The following SDK2 variants were observed in gnomAD, a reference collection of about 807,000 sequenced individuals.
The protein encoded by SDK2 is protein sidekick-2.
A neutral mutation model predicts 253.9 loss-of-function variants in SDK2; 105 were observed. The observed-to-expected ratio is 0.41, with a 90% CI of 0.35 to 0.49. The LOEUF is 0.49. Ranked by LOEUF, SDK2 falls within the 20% of genes least tolerant of loss-of-function variation. The pLI, the probability that SDK2 is intolerant of heterozygous loss-of-function variation, is 0.06. For synonymous variants in SDK2, 1,249 were observed against 1,234.9 expected (o/e 1.01, Z -0.24); for missense variants, 2,608 against 3,003.0 (o/e 0.87, Z 3.07).
rs149504284 is a variant in SDK2 at position 73,429,714 on chromosome 17, C to A, written c.1583+797G>T. ...AGCAACACGCAGGGAATATTTATTT[C>A]TAAGGAAGCAGTTGCATTTCCCTCA... On this transcript the variant is annotated intron_variant, in intron 12 of 44. Transcript: ENST00000392650. Among the ~76,000 whole-genome samples, 355 of 152,330 alleles carry A rather than the reference C, an allele frequency of 2.3e-3. 2 individuals carry two copies. The highest frequency in any genetic ancestry group is 8.2e-3 in the African/African-American group (342 of 41,568).
intron 1 of SDK2, among the ~76,000 whole-genome samples, chr17:73,626,823 C>T (rs1010358934): frequency 3.3e-5 from 5 of 152,158 alleles, no homozygotes; most frequent in Non-Finnish European, 5.9e-5. Context: ...GGCTGGTCTT[C>T]GATGTGGACC....
At chr17:73,495,594 G>T (rs1054131330) in intron 2 of SDK2, among the ~76,000 whole-genome samples, 5 of 151,712 alleles carry the variant, frequency 3.3e-5, no homozygotes, top group Non-Finnish European at 7.4e-5. Context: ...CCTCTGCCTC[G>T]CTGTTGGATA....
intron 1 of SDK2, among the ~76,000 whole-genome samples, chr17:73,568,183 C>G (rs2045334838): frequency 6.6e-6 from 1 of 152,150 alleles, no homozygotes; most frequent in South Asian, 2.1e-4. Context: ...AATTCTCGCT[C>G]TGTTAGTTCA....
chr17:73,468,919 G>A (rs1251523705), intron 3 of SDK2, among the ~76,000 whole-genome samples: 1 of 151,906 alleles, frequency 6.6e-6, no homozygotes, highest in Non-Finnish European at 1.5e-5. Context: ...CTGCCTTCTG[G>A]GTTCATGCGA....
intron 1 of SDK2, among the ~76,000 whole-genome samples, chr17:73,555,323 AGCTCATCTCCAGTGGG>A (rs2045126831): frequency 6.6e-6 from 1 of 152,166 alleles, no homozygotes; most frequent in Admixed American, 6.5e-5. Context: ...GGGCAGGGGG[AGCTCATCTCCAGTGGG>A]GAGAACAGCT....
chr17:73,376,886 C>T (rs2062786289), intron 36 of SDK2, among the ~76,000 whole-genome samples: 1 of 152,030 alleles, frequency 6.6e-6, no homozygotes, highest in African/African-American at 2.4e-5. Context: ...TCCTTCACCC[C>T]AGATGGAATG....
rs2046433479 is a variant in SDK2, at chr17:73,644,127, C to T, written c.-39G>A. On this transcript the variant is annotated 5_prime_UTR_variant, in exon 1 of 45. Transcript: ENST00000392650. The surrounding 1 kb of genome is among the most constrained non-coding windows in gnomAD (Gnocchi z 6.3). Reference sequence around the variant, plus strand: ...GAGAGGGGTCCTCGGGGTCTCCCTTCCCTCCGCCCTGTTTTATAATCCTGG... The same window carrying T: ...GAGAGGGGTCCTCGGGGTCTCCCTTTCCTCCGCCCTGTTTTATAATCCTGG... 6.6e-7 allele frequency: 1 copy of T among 1,506,848 alleles called. No homozygotes were observed. The highest frequency in any genetic ancestry group is 1.2e-5 in the South Asian group (1 of 82,970). 93.3% of individuals were successfully genotyped at this position (1,506,848 alleles called of 1,614,324 possible). A position where few individuals can be genotyped will look rare whatever the true frequency, so the allele number is the denominator to read the frequency against.
intron 3 of SDK2, among the ~76,000 whole-genome samples, chr17:73,463,645 T>C (rs562089704): frequency 1.3e-5 from 2 of 152,338 alleles, no homozygotes; most frequent in South Asian, 4.1e-4. Context: ...GGTCAATGTA[T>C]TCTGTTTTTA....
intron 41 of SDK2, among the ~76,000 whole-genome samples, chr17:73,351,085 G>A (rs1386268276): frequency 6.6e-6 from 1 of 150,630 alleles, no homozygotes; most frequent in Non-Finnish European, 1.5e-5. Context: ...GGAGGGGAGA[G>A]TGGCAGTGTG....
In SDK2 at chr17:73,424,077, C is replaced by T. The variant is rs1302208418; in HGVS notation, c.1599G>A (p.Lys533=). ...TCTCCGTGCCCAGGGTGGCCCCGTCCTTCTCCCAGATGTACCTAAAAGTAA... is the reference window on the plus strand; with the variant it reads ...TCTCCGTGCCCAGGGTGGCCCCGTCTTTCTCCCAGATGTACCTAAAAGTAA... ...PRVTIRYIWE[K]DGATLGTESH... Residue 533 remains lysine (K), a synonymous_variant, in exon 13 of 45, where the codon AAG becomes AAA. Transcript: ENST00000392650. 1 of 1,612,216 alleles carries T rather than the reference C, an allele frequency of 6.2e-7. No homozygotes were observed. Among genetic ancestry groups the T allele is most frequent in the African/African-American group, 1.3e-5 (1 of 74,934 alleles).
At position 73,416,436 on chromosome 17, in the gene SDK2, A is replaced by G. The variant is rs970638615; in HGVS notation, c.2187-444T>C. Among the ~76,000 whole-genome samples the G allele has an allele frequency of 7.3e-5, 11 of 151,586 alleles. 1 individual carries two copies. The highest frequency in any genetic ancestry group is 2.0e-4 in the Admixed American group (3 of 15,166). On this transcript the variant is annotated intron_variant, in intron 16 of 44. Coordinates refer to ENST00000392650, the MANE Select transcript of SDK2 (RefSeq NM_001144952.2). ...GGTCTCGAACTCCTGACCTCAGGTG[A>G]TCTGCCTACCTCACTTCAGCCTCCC...
At chr17:73,355,589 G>A (rs1424026934) in intron 40 of SDK2, among the ~76,000 whole-genome samples, 2 of 151,902 alleles carry the variant, frequency 1.3e-5, no homozygotes, top group East Asian at 1.9e-4. Flanking sequence ...CTCGTGATCC[G>A]CCTGCCTTGG....
chr17:73,499,498 C>T (rs929604206), intron 2 of SDK2, among the ~76,000 whole-genome samples: 2 of 152,240 alleles, frequency 1.3e-5, no homozygotes, highest in Non-Finnish European at 2.9e-5. Context: ...GGGTGGGACT[C>T]GGCCTCAGCT....
Position 73,395,575 on chromosome 17 carries a change from G to A in SDK2, c.3355-183C>T, listed in dbSNP as rs555417209. Among the ~76,000 whole-genome samples, 1 of 152,322 alleles carries A rather than the reference G, an allele frequency of 6.6e-6. No individual in the cohort carries two copies. The highest frequency in any genetic ancestry group is 6.5e-5 in the Admixed American group (1 of 15,306). On this transcript the variant is annotated intron_variant, in intron 24 of 44. Coordinates refer to ENST00000392650, the MANE Select transcript of SDK2 (RefSeq NM_001144952.2). The surrounding 1 kb of genome is among the most constrained non-coding windows in gnomAD (Gnocchi z 4.3). ...GCTTAGGTTGTGTGACTGTGTTTCT[G>A]ATGGGCTCTTATCTTCCTGCAGGGA...
chr17:73,465,819 T>C lies in SDK2; in HGVS notation c.331+6293A>G, dbSNP rs7406161. ...GCTCCATGATAGGAGAACTGGCTGCTTAGGGCCCCAGGACAAGCCCTTGTC... is the reference window on the plus strand; with the variant it reads ...GCTCCATGATAGGAGAACTGGCTGCCTAGGGCCCCAGGACAAGCCCTTGTC... On this transcript the variant is annotated intron_variant, in intron 3 of 44. Transcript: ENST00000392650. The surrounding 1 kb of genome is among the most constrained non-coding windows in gnomAD (Gnocchi z 4.2). Among the ~76,000 whole-genome samples the C allele has an allele frequency of 0.46, 70,124 of 151,978 alleles. 16,450 individuals are homozygous for C. The highest frequency in any genetic ancestry group is 0.59 in the East Asian group (3,035 of 5,144).
chr17:73,547,409 C>T (rs2044982478), intron 1 of SDK2, among the ~76,000 whole-genome samples: 1 of 152,248 alleles, frequency 6.6e-6, no homozygotes, highest in Non-Finnish European at 1.5e-5. Context: ...GGGTAAAAGG[C>T]TCTGAAGCTA....
rs767623981 is a variant in SDK2 at position 73,379,205 on chromosome 17, C to T, written c.4952G>A (p.Ser1651Asn). ...GTACCCCTGGATGTCTCCATTCTGG[C>T]TGTCCAGCGGAGGTGGCTCCCAAGT... ...DVTWEPPPLD[S>N]QNGDIQGYKI... The change falls in exon 36 of 45, where the codon AGC (serine) becomes AAC (asparagine). Residue 1651 changes from serine to asparagine, a missense_variant. Around this residue, in one of 2 missense-constraint regions of SDK2, gnomAD observed 1,103 missense variants for 1,143.9 expected, o/e 0.96. Transcript: ENST00000392650. This position sits in a 1 kb window ranked among gnomAD's most constrained non-coding sequence, Gnocchi z 4.5. 1.6e-5 allele frequency: 25 copies of T among 1,558,816 alleles called. No individual in the cohort carries two copies. The highest frequency in any genetic ancestry group is 1.8e-5 in the Non-Finnish European group (21 of 1,150,816).
intron 43 of SDK2, 130 bp from the exon 44 acceptor site, chr17:73,348,855 G>T: frequency 1.4e-6 from 1 of 740,038 alleles, no homozygotes; most frequent in Non-Finnish European, 2.1e-6. Context: ...TCCTTCCTGG[G>T]TCTGCCTTCC....
chr17:73,564,917 T>C (rs911438509), intron 1 of SDK2, among the ~76,000 whole-genome samples: 3 of 152,074 alleles, frequency 2.0e-5, no homozygotes, highest in Non-Finnish European at 1.5e-5. Flanking sequence ...TGCTGTTAGT[T>C]AGGTCAACCC....
Sources: gnomAD v4.1 joint callset for allele counts (sites outside exome capture counted in the v4.1 genomes callset) on GRCh38, gnomAD v4.1.1 for gene constraint, gnomAD v4.1.1 regional missense constraint, Gnocchi (gnomAD v3.1) non-coding constraint, MANE v1.5 for transcripts, NCBI Gene and HGNC (gene_info 2026-07-23, HGNC 2026-07-21) for gene names.